Variants in PCLO observed in about 807,000 individuals in gnomAD.
PCLO encodes the protein protein piccolo.
In PCLO, 82 loss-of-function variants were observed where a neutral mutation model predicts 427.5. The ratio of observed to expected loss-of-function variants is 0.19; its 90% CI spans 0.16 to 0.23. The LOEUF is 0.23. Among genes scored for constraint, PCLO ranks in the 10% least tolerant of loss-of-function variants. PCLO has a pLI of 1.00. For missense variants in PCLO, 6,239 were observed against 6,115.9 expected (o/e 1.02, Z -0.67); for synonymous variants, 2,357 against 2,155.4 (o/e 1.09, Z -2.59).
intron 3 of PCLO, among the ~76,000 whole-genome samples, chr7:82,970,880 A>C (rs7800731): frequency 0.049 from 7,496 of 151,918 alleles, 616 homozygotes; most frequent in African/African-American, 0.17. Flanking sequence ...TATTTTGGAC[A>C]ATATGGGTCA....
intron 3 of PCLO, among the ~76,000 whole-genome samples, chr7:83,050,208 GAAAAAAAA>G (rs556193471): frequency 0.038 from 206 of 5,434 alleles, 1 homozygote; most frequent in African/African-American, 0.1. Flanking sequence ...CTGAAAAACT[GAAAAAAAA>G]AAAAAAAAAA....
intron 10 of PCLO, among the ~76,000 whole-genome samples, chr7:82,871,485 G>T (rs1793236704): frequency 6.6e-6 from 1 of 151,872 alleles, no homozygotes; most frequent in Non-Finnish European, 1.5e-5. Flanking sequence ...ATGAGGGATT[G>T]TTTAATGAGA....
intron 9 of PCLO, among the ~76,000 whole-genome samples, chr7:82,891,006 C>T (rs1018065786): frequency 6.6e-6 from 1 of 151,860 alleles, no homozygotes; most frequent in African/African-American, 2.4e-5. Context: ...CCTAGTGGGA[C>T]TAATAAATGT....
intron 14 of PCLO, among the ~76,000 whole-genome samples, chr7:82,840,182 T>C (rs1211288481): frequency 6.6e-6 from 1 of 151,980 alleles, no homozygotes; most frequent in Non-Finnish European, 1.5e-5. Flanking sequence ...TGAAGAAAGA[T>C]CAAGTCAGTG....
At chr7:82,922,312 C>T (rs1205874002) in intron 6 of PCLO, among the ~76,000 whole-genome samples, 2 of 151,870 alleles carry the variant, frequency 1.3e-5, no homozygotes, top group East Asian at 1.9e-4. Context: ...GCACTATTCA[C>T]GACAGCAAAG....
chr7:82,951,712 G>T, intron 5 of PCLO, 144 bp downstream of exon 5: 2 of 1,263,422 alleles, frequency 1.6e-6, no homozygotes, highest in Non-Finnish European at 2.1e-6. Context: ...AAGCGCACTT[G>T]TACTCCAAAA....
intron 6 of PCLO, among the ~76,000 whole-genome samples, chr7:82,928,694 A>G (rs1794772306): frequency 6.6e-6 from 1 of 152,178 alleles, no homozygotes; most frequent in South Asian, 2.1e-4. Flanking sequence ...AATATTTTAA[A>G]CATGGGTATA....
intron 3 of PCLO, among the ~76,000 whole-genome samples, chr7:83,065,649 G>A (rs746588562): frequency 6.6e-6 from 1 of 151,936 alleles, no homozygotes; most frequent in Admixed American, 6.6e-5. Context: ...AGATAAATAT[G>A]CAGATACAAT....
At chr7:82,856,758 G>A (rs1441047958) in intron 10 of PCLO, among the ~76,000 whole-genome samples, 1 of 152,106 alleles carries the variant, frequency 6.6e-6, no homozygotes, top group Non-Finnish European at 1.5e-5. Context: ...CTAATAAAAT[G>A]ATATTAACAG....
chr7:83,044,177 T>C (rs1789047464), intron 3 of PCLO, among the ~76,000 whole-genome samples: 1 of 152,022 alleles, frequency 6.6e-6, no homozygotes. Flanking sequence ...AAAACCATTA[T>C]ATCTTGTGAG....
Position 83,057,523 on chromosome 7 carries a change from G to A in PCLO, c.3300+76727C>T, listed in dbSNP as rs143278063. Among the ~76,000 whole-genome samples the A allele has an allele frequency of 4.0e-3, 604 of 149,436 alleles. 5 individuals are homozygous for A. The highest frequency in any genetic ancestry group is 0.017 in the Middle Eastern group (5 of 288). ...ACTGCATGCGCCCGCCACCATGCCCGGCTAATTTTTTGTATTTTTAGTGGA... is the reference window on the plus strand; with the variant it reads ...ACTGCATGCGCCCGCCACCATGCCCAGCTAATTTTTTGTATTTTTAGTGGA... On this transcript the variant is annotated intron_variant, in intron 3 of 24. Coordinates refer to ENST00000333891, the MANE Select transcript of PCLO (RefSeq NM_033026.6).
intron 3 of PCLO, among the ~76,000 whole-genome samples, chr7:82,990,240 T>A (rs1796346712): frequency 6.6e-6 from 1 of 152,078 alleles, no homozygotes; most frequent in South Asian, 2.1e-4. Flanking sequence ...AAGAATGACA[T>A]CAAAGCAACA....
Position 82,838,266 on chromosome 7 carries a change from T to C in PCLO, c.14174A>G (p.Asn4725Ser), listed in dbSNP as rs768440811. Reference protein sequence around the residue: ...QARNLVPRDNNGYSDPFVKVY... With the variant: ...QARNLVPRDNSGYSDPFVKVY... ...TTTCACAAAAGGGTCAGAATAACCATTGTTGTCTCGAGGAACAAGATTTCT... is the reference window on the plus strand; with the variant it reads ...TTTCACAAAAGGGTCAGAATAACCACTGTTGTCTCGAGGAACAAGATTTCT... Residue 4725 changes from asparagine (N) to serine (S), a missense_variant, in exon 15 of 25, where the codon AAT becomes AGT. By Grantham distance (46) the Asn-to-Ser change is conservative (BLOSUM62 1). This residue lies in a region of PCLO where 877 missense variants were observed against 925.5 expected (regional missense o/e 0.95). Coordinates refer to ENST00000333891, the MANE Select transcript of PCLO (RefSeq NM_033026.6). 24 of 1,594,156 alleles carry C rather than the reference T, an allele frequency of 1.5e-5. No homozygotes were observed. Among genetic ancestry groups the C allele is most frequent in the East Asian group, 4.5e-5 (2 of 44,332 alleles).
intron 3 of PCLO, among the ~76,000 whole-genome samples, chr7:83,030,301 A>G (rs1333538230): frequency 3.3e-5 from 5 of 152,112 alleles, no homozygotes; most frequent in Non-Finnish European, 5.9e-5. Flanking sequence ...ATATTTAAAA[A>G]AACTCTACAG....
intron 6 of PCLO, among the ~76,000 whole-genome samples, chr7:82,946,607 G>T (rs562689165): frequency 6.6e-6 from 1 of 152,210 alleles, no homozygotes; most frequent in Non-Finnish European, 1.5e-5. Flanking sequence ...GCACAGACTC[G>T]TGCCCTGGGT....
chr7:82,986,396 A>G (rs2115810067), intron 3 of PCLO, among the ~76,000 whole-genome samples: 1 of 152,076 alleles, frequency 6.6e-6, no homozygotes, highest in South Asian at 2.1e-4. Flanking sequence ...AAGTCCAAAT[A>G]CGCTTGCTCT....
chr7:83,031,561 A>C (rs1263804761), intron 3 of PCLO, among the ~76,000 whole-genome samples: 1 of 152,210 alleles, frequency 6.6e-6, no homozygotes, highest in African/African-American at 2.4e-5. Context: ...AAATGGTAAA[A>C]TTAAGATTCA....
In PCLO at chr7:83,000,926, AT is replaced by A. The variant is rs528295817; in HGVS notation, c.3301-34440del. Reference sequence around the variant, plus strand: ...TCAATATATAGGTTACTGTCAATTCATTTTTTTTACCAGTATCTAGCATAAT... The same window carrying A: ...TCAATATATAGGTTACTGTCAATTCATTTTTTTACCAGTATCTAGCATAAT... On this transcript the variant is annotated intron_variant, in intron 3 of 24. Coordinates refer to ENST00000333891, the MANE Select transcript of PCLO (RefSeq NM_033026.6). Among the ~76,000 whole-genome samples the A allele has an allele frequency of 6.3e-4, 96 of 151,936 alleles. 1 individual carries two copies. In the South Asian group the frequency reaches 7.5e-3, roughly 12 times the overall value.
chr7:83,065,586 C>T (rs374473560), intron 3 of PCLO, among the ~76,000 whole-genome samples: 159 of 151,302 alleles, frequency 1.1e-3, no homozygotes, highest in Non-Finnish European at 1.8e-3. Flanking sequence ...TCTCCTGTCT[C>T]ATAAAAATTC....
Sources: gnomAD v4.1 joint callset for allele counts (sites outside exome capture counted in the v4.1 genomes callset) on GRCh38, gnomAD v4.1.1 for gene constraint, gnomAD v4.1.1 regional missense constraint, MANE v1.5 for transcripts, NCBI Gene and HGNC (gene_info 2026-07-23, HGNC 2026-07-21) for gene names.